The following ZNF559 variants were observed in gnomAD, a reference collection of about 807,000 sequenced individuals.
The protein encoded by ZNF559 is zinc finger protein 559.
A neutral mutation model predicts 14.2 loss-of-function variants in ZNF559; 17 were observed. The observed-to-expected ratio is 1.20, with a 90% CI of 0.82 to 1.80. The LOEUF (loss-of-function observed/expected upper bound fraction) is 1.80. ZNF559 is among the 40% of genes most tolerant of loss of function. ZNF559 has a pLI of 0.00. For missense variants in ZNF559, 740 were observed against 629.7 expected (o/e 1.18, Z -1.88); for synonymous variants, 244 against 212.4 (o/e 1.15, Z -1.29).
upstream of ZNF559, chr19:9,323,941 T>G (rs946955383): frequency 7.0e-6 from 4 of 571,526 alleles, no homozygotes; most frequent in Admixed American, 6.1e-5. Context: ...GTTGCTTCAT[T>G]CTTTCTTTGC....
At position 9,342,183 on chromosome 19, in the gene ZNF559, A is replaced by G; in HGVS notation, c.732A>G (p.Lys244=). ...ATGGAGAAAAATTCTATGAATGTAA[A>G]GCATGTGGGAAACCCTTCACTGAGT... ...TQDGEKFYEC[K]ACGKPFTESS... The change falls in exon 7 of 7, where the codon AAA becomes AAG. Residue 244 remains lysine (K), a synonymous_variant. Transcript: ENST00000603380. The G allele has an allele frequency of 6.2e-7, 1 of 1,607,508 alleles. No individual in the cohort carries two copies. The highest frequency in any genetic ancestry group is 8.5e-7 in the Non-Finnish European group (1 of 1,177,984).
chr19:9,335,135 CAAA>C (rs59300029), intron 2 of ZNF559, among the ~76,000 whole-genome samples: 2,418 of 124,554 alleles, frequency 0.019, 45 homozygotes, highest in African/African-American at 0.04. Context: ...GACTCTGTCT[CAAA>C]AAAAAAAAAA....
At chr19:9,334,325 G>T in intron 2 of ZNF559, among the ~76,000 whole-genome samples, 1 of 152,154 alleles carries the variant, frequency 6.6e-6, no homozygotes. Context: ...TTTCCTTTGA[G>T]TGTCATATCT....
intron 5 of ZNF559, among the ~76,000 whole-genome samples, chr19:9,340,085 A>G (rs569314719): frequency 3.9e-5 from 6 of 151,974 alleles, no homozygotes; most frequent in Admixed American, 1.3e-4. Flanking sequence ...GTGCCCAGCC[A>G]TCCCTTGCAC....
intron 2 of ZNF559, among the ~76,000 whole-genome samples, chr19:9,333,505 A>G (rs1313214133): frequency 6.6e-6 from 1 of 152,180 alleles, no homozygotes; most frequent in Non-Finnish European, 1.5e-5. Context: ...CCTGAGCAAC[A>G]TAGCAAGACC....
chr19:9,339,934 A>ATTTTTTTTTTTT (rs545536064), intron 5 of ZNF559, among the ~76,000 whole-genome samples: 299 of 86,410 alleles, frequency 3.5e-3, no homozygotes, highest in Non-Finnish European at 4.8e-3. Flanking sequence ...ACGCCTGGCT[A>ATTTTTTTTTTTT]TTTTTTTTTT....
intron 2 of ZNF559, chr19:9,332,994 AG>A (rs963576126): frequency 6.6e-5 from 10 of 152,198 alleles, no homozygotes; most frequent in African/African-American, 2.2e-4. Context: ...TTTTGAGACA[AG>A]GTCTTACTCT....
At position 9,342,589 on chromosome 19, in the gene ZNF559, C is replaced by G. The variant is rs559787607; in HGVS notation, c.1138C>G (p.Pro380Ala). 14 of 1,613,916 alleles carry G rather than the reference C, an allele frequency of 8.7e-6. No individual in the cohort carries two copies. The highest frequency in any genetic ancestry group is 4.5e-5 in the East Asian group (2 of 44,880). ...TATGAGAACTCACACTGGTGAGAAG[C>G]CTTATCAATGTAAGGAATGTGGAAA... Reference protein sequence around the residue: ...VHMRTHTGEKPYQCKECGKAF... With the variant: ...VHMRTHTGEKAYQCKECGKAF... Residue 380 changes from proline (P) to alanine (A), a missense_variant, in exon 7 of 7, where the codon CCT (proline) becomes GCT (alanine). By Grantham distance (27) the Pro-to-Ala change is conservative. Transcript: ENST00000603380.
intron 4 of ZNF559, among the ~76,000 whole-genome samples, chr19:9,338,814 A>G (rs1163620126): frequency 6.6e-6 from 1 of 152,122 alleles, no homozygotes; most frequent in Non-Finnish European, 1.5e-5. Context: ...ATCCATGCTG[A>G]TATGCTTTCA....
chr19:9,324,336 C>T, intron 1 of ZNF559, 108 bp downstream of exon 1: 2 of 1,523,164 alleles, frequency 1.3e-6, no homozygotes, highest in Non-Finnish European at 1.8e-6. Flanking sequence ...GTCCCGTGCA[C>T]TTTCGGGCAT....
In ZNF559 at chr19:9,339,333, C is replaced by T. The variant is rs569655084; in HGVS notation, c.160+14C>T. On this transcript the variant is annotated intron_variant, in intron 5 of 6. Coordinates refer to ENST00000603380, the MANE Select transcript of ZNF559 (RefSeq NM_032497.3). ...TAGTTGCAGTAGGTAAGGCTGGTAC[C>T]ATTCTTTTCATTTAGTTTTTTTCTG... 8.2e-6 allele frequency: 13 copies of T among 1,584,996 alleles called. No homozygotes were observed. The South Asian group carries it at 1.4e-4, about 17-fold the overall frequency.
chr19:9,343,885 A>T lies in ZNF559; in HGVS notation c.*817A>T. The T allele has an allele frequency of 3.5e-6, 3 of 861,824 alleles. No individual in the cohort carries two copies. The highest frequency in any genetic ancestry group is 4.2e-6 in the Non-Finnish European group (3 of 717,606). The allele number at this position is 861,824 out of a possible 1,614,324, so 53.4% of individuals were successfully genotyped here. A position where few individuals can be genotyped will look rare whatever the true frequency, so the allele number is the denominator to read the frequency against. ...TCAATTGTTCACGGTTACAGATGGAACTCTTTATTATTGAGGAGTTCCACT... is the reference window on the plus strand; with the variant it reads ...TCAATTGTTCACGGTTACAGATGGATCTCTTTATTATTGAGGAGTTCCACT... On this transcript the variant is annotated 3_prime_UTR_variant, in exon 7 of 7. Transcript: ENST00000603380.
chr19:9,324,945 A>G (rs1375470996), intron 2 of ZNF559, among the ~76,000 whole-genome samples, 165 bp downstream of exon 2: 1 of 152,196 alleles, frequency 6.6e-6, no homozygotes. Flanking sequence ...ATTTACCACC[A>G]AGGAAAAACA....
Position 9,338,475 on chromosome 19 carries a change from T to A in ZNF559, c.-56-19T>A. The A allele has an allele frequency of 6.2e-7, 1 of 1,601,956 alleles. No individual in the cohort carries two copies. Among genetic ancestry groups the A allele is most frequent in the Non-Finnish European group, 8.5e-7 (1 of 1,170,412 alleles). On this transcript the variant is annotated intron_variant, in intron 3 of 6. Transcript: ENST00000603380. ...CTATCAGCAGCCTGGATTCTCAGAT[T>A]TTATTTCTTCTTCTTAAGATCATCT...
At chr19:9,331,222 C>T (rs533245484) in intron 2 of ZNF559, among the ~76,000 whole-genome samples, 1 of 152,156 alleles carries the variant, frequency 6.6e-6, no homozygotes, top group Admixed American at 6.5e-5. Context: ...TAGCCAATCT[C>T]ACTTCTTCCC....
intron 3 of ZNF559, 50 bp downstream of exon 3, chr19:9,337,908 A>G: frequency 1.3e-6 from 2 of 1,534,744 alleles, no homozygotes; most frequent in South Asian, 1.2e-5. Context: ...ATTGAGATTG[A>G]CTTACCCATA....
chr19:9,330,689 A>G (rs1277550960), intron 2 of ZNF559, among the ~76,000 whole-genome samples: 3 of 151,970 alleles, frequency 2.0e-5, no homozygotes, highest in East Asian at 1.9e-4. Context: ...TTCTCACTTC[A>G]TTCATGTATT....
intron 4 of ZNF559, 129 bp downstream of exon 4, chr19:9,338,711 C>T (rs531944615): frequency 3.0e-6 from 2 of 666,894 alleles, no homozygotes; most frequent in Admixed American, 2.7e-5. Context: ...TCTCATCAAA[C>T]TTCTTCGGAC....
intron 1 of ZNF559, 28 bp from the exon 2 acceptor site, chr19:9,324,667 A>G: frequency 1.4e-6 from 2 of 1,446,342 alleles, no homozygotes; most frequent in Non-Finnish European, 1.8e-6. Context: ...AAGTCTCCAC[A>G]TCCAGCGTTG....
Sources: allele counts gnomAD v4.1 joint callset (sites outside exome capture counted in the v4.1 genomes callset), GRCh38; gene constraint gnomAD v4.1.1; transcripts MANE v1.5; gene names NCBI Gene and HGNC (gene_info 2026-07-23, HGNC 2026-07-21).